CTNNA3: variants seen among roughly 807,000 people sequenced by gnomAD.
The protein encoded by CTNNA3 is catenin alpha 3.
In CTNNA3, 76 loss-of-function variants were observed where a neutral mutation model predicts 95.7. The observed-to-expected ratio is 0.79, with a 90% CI of 0.66 to 0.96. CTNNA3 has a LOEUF of 0.96. Among genes scored for constraint, CTNNA3 ranks in the 40% least tolerant of loss-of-function variants. CTNNA3 has a pLI of 0.00. For synonymous variants in CTNNA3, 431 were observed against 374.4 expected, an observed-to-expected ratio of 1.15 and a Z score of -1.74; for missense variants, 1,191 against 1,089.8, an observed-to-expected ratio of 1.09 and a Z score of -1.31.
chr10:66,906,810 G>A (rs1474099926), intron 7 of CTNNA3, among the ~76,000 whole-genome samples: 2 of 151,916 alleles, frequency 1.3e-5, no homozygotes, highest in African/African-American at 2.4e-5. Context: ...ATTATATGAT[G>A]TTTGAGATTT....
Position 66,927,965 on chromosome 10 carries a change from A to G in CTNNA3, c.1048-152441T>C. Reference sequence around the variant, plus strand: ...AGTCCCAAAGAGCTGCAAGGAGTAAATGTGATCGATGCAGTGAAGAACTAC... The same window carrying G: ...AGTCCCAAAGAGCTGCAAGGAGTAAGTGTGATCGATGCAGTGAAGAACTAC... On this transcript the variant is annotated intron_variant, in intron 7 of 17. Transcript: ENST00000433211. This position sits in a 1 kb window ranked among gnomAD's most constrained non-coding sequence, Gnocchi z 4.7. 1.9e-6 allele frequency: 3 copies of G among 1,614,232 alleles called. No individual in the cohort carries two copies. Among genetic ancestry groups the G allele is most frequent in the Non-Finnish European group, 2.5e-6 (3 of 1,180,040 alleles).
intron 12 of CTNNA3, among the ~76,000 whole-genome samples, chr10:66,311,542 T>C (rs1441020206): frequency 6.6e-6 from 1 of 152,210 alleles, no homozygotes; most frequent in East Asian, 1.9e-4. Context: ...GTCCTAACAG[T>C]AGCATGGTGC....
intron 5 of CTNNA3, among the ~76,000 whole-genome samples, chr10:67,363,241 T>C (rs1407943687): frequency 6.6e-6 from 1 of 152,012 alleles, no homozygotes; most frequent in African/African-American, 2.4e-5. Flanking sequence ...TACCACCGTT[T>C]TTCACAGAAT....
At chr10:66,759,343 A>C (rs1839508126) in intron 9 of CTNNA3, among the ~76,000 whole-genome samples, 1 of 152,184 alleles carries the variant, frequency 6.6e-6, no homozygotes, top group Non-Finnish European at 1.5e-5. Flanking sequence ...GGCAGATATA[A>C]GAGATATCAA....
chr10:67,503,922 C>T (rs985239498), intron 5 of CTNNA3, among the ~76,000 whole-genome samples: 2 of 152,100 alleles, frequency 1.3e-5, no homozygotes, highest in African/African-American at 4.8e-5. Context: ...CTTTGGGAGG[C>T]CAAGGCGGGC....
At chr10:66,718,482 C>G (rs902124183) in intron 9 of CTNNA3, among the ~76,000 whole-genome samples, 1 of 151,926 alleles carries the variant, frequency 6.6e-6, no homozygotes, top group African/African-American at 2.4e-5. Flanking sequence ...CTATTTTACT[C>G]AAAATTAACA....
At chr10:66,538,653 C>A (rs1303370540) in intron 10 of CTNNA3, among the ~76,000 whole-genome samples, 1 of 152,116 alleles carries the variant, frequency 6.6e-6, no homozygotes, top group Non-Finnish European at 1.5e-5. Flanking sequence ...ATCAAAAGGT[C>A]ACTTACATAT....
intron 7 of CTNNA3, among the ~76,000 whole-genome samples, chr10:66,988,103 C>G: frequency 6.6e-6 from 1 of 152,118 alleles, no homozygotes; most frequent in East Asian, 1.9e-4. Flanking sequence ...TGAAGGAACA[C>G]AGGCTTTGAA....
At chr10:67,428,672 A>T (rs10997636) in intron 5 of CTNNA3, among the ~76,000 whole-genome samples, 12,598 of 152,064 alleles carry the variant, frequency 0.083, 623 homozygotes, top group South Asian at 0.16. Context: ...GGGTGTTGCC[A>T]AAAGAGATTA....
At chr10:66,978,716 A>C (rs922910440) in intron 7 of CTNNA3, among the ~76,000 whole-genome samples, 1 of 150,060 alleles carries the variant, frequency 6.7e-6, no homozygotes, top group African/African-American at 2.4e-5. Context: ...CCAGTGAATA[A>C]ATACATTTAC....
At chr10:67,088,185 C>T (rs898714924) in intron 7 of CTNNA3, among the ~76,000 whole-genome samples, 2 of 151,230 alleles carry the variant, frequency 1.3e-5, no homozygotes, top group Non-Finnish European at 2.9e-5. Context: ...CTGTCTTCTG[C>T]TTGCTAGGCA....
chr10:67,289,581 A>T (rs978861985), intron 5 of CTNNA3, among the ~76,000 whole-genome samples: 1 of 152,170 alleles, frequency 6.6e-6, no homozygotes, highest in African/African-American at 2.4e-5. Context: ...TACCACAAAG[A>T]AGGCAAATCT....
chr10:66,241,428 C>G (rs970772045), intron 13 of CTNNA3, among the ~76,000 whole-genome samples: 7 of 152,118 alleles, frequency 4.6e-5, no homozygotes, highest in African/African-American at 1.7e-4. Context: ...GTTCCAATTA[C>G]AAAGTTAAGT....
intron 5 of CTNNA3, among the ~76,000 whole-genome samples, chr10:67,269,056 A>T (rs975158235): frequency 4.6e-5 from 7 of 152,226 alleles, no homozygotes; most frequent in African/African-American, 1.7e-4. Flanking sequence ...GAAGGACAGT[A>T]TGGCACATGT....
chr10:66,891,625 T>C (rs1845272609), intron 7 of CTNNA3, among the ~76,000 whole-genome samples: 2 of 152,024 alleles, frequency 1.3e-5, no homozygotes, highest in South Asian at 2.1e-4. Flanking sequence ...TATTTTCTTG[T>C]ATGTAGATTT....
intron 10 of CTNNA3, among the ~76,000 whole-genome samples, chr10:66,541,713 T>C (rs1013577011): frequency 6.6e-6 from 1 of 152,130 alleles, no homozygotes; most frequent in Admixed American, 6.6e-5. Context: ...AACTCTTAGA[T>C]TGTGAAACAT....
At chr10:67,299,913 G>A (rs768261129) in intron 5 of CTNNA3, among the ~76,000 whole-genome samples, 9 of 152,186 alleles carry the variant, frequency 5.9e-5, no homozygotes, top group Non-Finnish European at 1.2e-4. Context: ...GCCTATATAT[G>A]TAAGACAGTA....
chr10:66,539,877 T>G (rs932209612), intron 10 of CTNNA3, among the ~76,000 whole-genome samples: 1 of 152,144 alleles, frequency 6.6e-6, no homozygotes, highest in Non-Finnish European at 1.5e-5. Flanking sequence ...AGGTTATTCA[T>G]AGGCACATTA....
intron 12 of CTNNA3, among the ~76,000 whole-genome samples, chr10:66,374,133 A>G (rs2092775268): frequency 1.3e-5 from 2 of 152,206 alleles, no homozygotes; most frequent in Non-Finnish European, 2.9e-5. Flanking sequence ...CCCCTCTGCT[A>G]TGTGTAGATG....
Sources: gnomAD v4.1 joint callset for allele counts (sites outside exome capture counted in the v4.1 genomes callset) on GRCh38, gnomAD v4.1.1 for gene constraint, Gnocchi (gnomAD v3.1) non-coding constraint, MANE v1.5 for transcripts, NCBI Gene and HGNC (gene_info 2026-07-23, HGNC 2026-07-21) for gene names.